Variants in MRAP2 observed in about 807,000 individuals in gnomAD.
MRAP2 encodes the protein melanocortin-2 receptor accessory protein 2.
Under a neutral mutation model 17.4 loss-of-function variants are expected in MRAP2, and 20 were observed. That is an observed-to-expected ratio of 1.15 (90% CI 0.81 to 1.67). The LOEUF is 1.67. MRAP2 is among the 40% of genes most tolerant of loss of function. The pLI, the probability that MRAP2 is intolerant of heterozygous loss-of-function variation, is 0.00. For synonymous variants in MRAP2, 96 were observed against 88.4 expected (o/e 1.09, Z -0.48); for missense variants, 238 against 240.0 (o/e 0.99, Z 0.05).
At chr6:84,044,110 C>T (rs2099488355) in intron 1 of MRAP2, among the ~76,000 whole-genome samples, 1 of 152,148 alleles carries the variant, frequency 6.6e-6, no homozygotes, top group Admixed American at 6.5e-5. Flanking sequence ...AAATTAGTTT[C>T]AGCACCTATA....
upstream of MRAP2, chr6:84,033,587 G>T (rs1039306864): frequency 7.8e-6 from 6 of 765,420 alleles, no homozygotes; most frequent in Non-Finnish European, 9.5e-6. Context: ...GACTCGGAGG[G>T]GCAAAGTGAG....
At chr6:84,141,407 C>T in the MRAP2 span, among the ~76,000 whole-genome samples, 1 of 152,154 alleles carries the variant, frequency 6.6e-6, no homozygotes, top group Non-Finnish European at 1.5e-5. Context: ...CCAACGTTAA[C>T]ATCTACATCT....
At chr6:84,042,730 G>A (rs1013996440) in intron 1 of MRAP2, among the ~76,000 whole-genome samples, 1 of 152,210 alleles carries the variant, frequency 6.6e-6, no homozygotes, top group African/African-American at 2.4e-5. Flanking sequence ...GCTTGTAATT[G>A]ATTGTCCTGA....
chr6:84,132,201 T>C, the MRAP2 span, among the ~76,000 whole-genome samples: 4 of 152,344 alleles, frequency 2.6e-5, no homozygotes, highest in South Asian at 8.3e-4. Context: ...GAGTTTCTGC[T>C]GAGAGATCTG....
At chr6:84,048,847 C>G (rs1323286088) in intron 1 of MRAP2, among the ~76,000 whole-genome samples, 1 of 152,182 alleles carries the variant, frequency 6.6e-6, no homozygotes, top group Non-Finnish European at 1.5e-5. Context: ...TGGATATGCT[C>G]ATTATAAATC....
intron 3 of MRAP2, among the ~76,000 whole-genome samples, chr6:84,064,744 C>T (rs1157534044): frequency 6.6e-6 from 1 of 152,166 alleles, no homozygotes; most frequent in Non-Finnish European, 1.5e-5. Context: ...GCCTTGGCCT[C>T]CCAAAGTGCT....
chr6:84,129,239 T>C, the MRAP2 span, among the ~76,000 whole-genome samples: 8 of 152,210 alleles, frequency 5.3e-5, no homozygotes, highest in African/African-American at 1.7e-4. Flanking sequence ...ATGGTATTTC[T>C]AGTTCTAGAT....
chr6:84,080,768 A>C (rs1416897381), intron 3 of MRAP2, among the ~76,000 whole-genome samples: 2 of 152,234 alleles, frequency 1.3e-5, no homozygotes, highest in Non-Finnish European at 2.9e-5. Context: ...TAGAAAGTAA[A>C]ATTAATAGTA....
chr6:84,092,746 C>T (rs1032770490), downstream of MRAP2, among the ~76,000 whole-genome samples: 1 of 152,130 alleles, frequency 6.6e-6, no homozygotes, highest in African/African-American at 2.4e-5. Context: ...AATTAGCTCT[C>T]CGTATAGGTG....
intron 3 of MRAP2, 44 bp downstream of exon 3, chr6:84,063,036 G>C: frequency 6.2e-7 from 1 of 1,613,000 alleles, no homozygotes; most frequent in Non-Finnish European, 8.5e-7. Context: ...CCTCACAGGA[G>C]ACTGAGGAAA....
chr6:84,074,184 C>G (rs897300581), intron 3 of MRAP2, among the ~76,000 whole-genome samples: 1 of 152,160 alleles, frequency 6.6e-6, no homozygotes. Flanking sequence ...TCTACACTTT[C>G]AAAATGTTGC....
chr6:84,052,710 C>T (rs2099490749), intron 1 of MRAP2: 1 of 580,754 alleles, frequency 1.7e-6, no homozygotes, highest in South Asian at 7.6e-5. Context: ...TTGAAGGCTA[C>T]CCAGGCAACT....
chr6:84,064,782 G>A (rs77056508), intron 3 of MRAP2, among the ~76,000 whole-genome samples: 19 of 151,932 alleles, frequency 1.3e-4, no homozygotes, highest in East Asian at 1.9e-4. Flanking sequence ...CCACCGCGCC[G>A]GGCCGAATCC....
At chr6:84,097,959 T>G in the MRAP2 span, among the ~76,000 whole-genome samples, 7,933 of 152,244 alleles carry the variant, frequency 0.052, 302 homozygotes, top group South Asian at 0.089. Context: ...TTAAAATAAC[T>G]TTGAGATATA....
At chr6:84,107,446 C>T in the MRAP2 span, among the ~76,000 whole-genome samples, 8 of 152,286 alleles carry the variant, frequency 5.3e-5, no homozygotes, top group Middle Eastern at 3.4e-3. Context: ...CTCTCACATG[C>T]AAATGTCTTA....
the MRAP2 span, among the ~76,000 whole-genome samples, chr6:84,108,579 A>G: frequency 6.6e-6 from 1 of 151,874 alleles, no homozygotes; most frequent in Non-Finnish European, 1.5e-5. Context: ...TGGATATTAG[A>G]CCTTTGTCAG....
chr6:84,073,888 G>GTGTGT (rs1554438046), intron 3 of MRAP2, among the ~76,000 whole-genome samples: 4 of 137,878 alleles, frequency 2.9e-5, no homozygotes, highest in Non-Finnish European at 1.6e-5. Flanking sequence ...GTGTGTGTGT[G>GTGTGT]TTTTTTTTTT....
the MRAP2 span, among the ~76,000 whole-genome samples, chr6:84,104,948 G>A: frequency 1.3e-5 from 2 of 152,186 alleles, no homozygotes; most frequent in East Asian, 1.9e-4. Context: ...CTAGGGCAGA[G>A]GCAAAATGCC....
the MRAP2 span, among the ~76,000 whole-genome samples, chr6:84,113,737 C>T: frequency 6.6e-6 from 1 of 152,104 alleles, no homozygotes; most frequent in Non-Finnish European, 1.5e-5. Context: ...TGTTCCTTTC[C>T]AACTTCAGTG....
Sources: gnomAD v4.1 joint callset for allele counts (sites outside exome capture counted in the v4.1 genomes callset) on GRCh38, gnomAD v4.1.1 for gene constraint, MANE v1.5 for transcripts, NCBI Gene and HGNC (gene_info 2026-07-23, HGNC 2026-07-21) for gene names.